The following FKBP5 variants were observed in gnomAD, a reference collection of about 807,000 sequenced individuals.
FKBP5 encodes the protein peptidyl-prolyl cis-trans isomerase FKBP5.
Under a neutral mutation model 50.5 loss-of-function variants are expected in FKBP5, and 23 were observed. That is an observed-to-expected ratio of 0.46 (90% CI 0.33 to 0.65). The LOEUF (loss-of-function observed/expected upper bound fraction) is 0.65. Among genes scored for constraint, FKBP5 ranks in the 30% least tolerant of loss-of-function variants. FKBP5 has a pLI of 0.02. For synonymous variants in FKBP5, 176 were observed against 190.6 expected (o/e 0.92, Z 0.63); for missense variants, 411 against 553.1 (o/e 0.74, Z 2.58).
At chr6:35,598,469 C>T (rs532744757) in intron 5 of FKBP5, among the ~76,000 whole-genome samples, 37 of 151,902 alleles carry the variant, frequency 2.4e-4, no homozygotes, top group Non-Finnish European at 3.8e-4. Context: ...GTGATCCACC[C>T]GCCTCAGCCT....
rs148053043 is a variant in FKBP5, at chr6:35,700,329, T to G, written c.-20+19999A>C. Among the ~76,000 whole-genome samples, 1,188 of 152,112 alleles carry G rather than the reference T, an allele frequency of 7.8e-3. 17 individuals are homozygous for G. The highest frequency in any genetic ancestry group is 0.025 in the African/African-American group (1,043 of 41,476). ...GCATGTGCCACCACACTTGGCTAAT[T>G]TTTATATGAAGCTGCCTTCTTAAGG... On this transcript the variant is annotated intron_variant, in intron 2 of 11. Transcript: ENST00000536438.
chr6:35,596,111 T>A (rs1762975444), intron 6 of FKBP5, among the ~76,000 whole-genome samples: 1 of 152,106 alleles, frequency 6.6e-6, no homozygotes, highest in Non-Finnish European at 1.5e-5. Flanking sequence ...TCCCAGCACT[T>A]TGGGAGGCTG....
intron 1 of FKBP5, among the ~76,000 whole-genome samples, chr6:35,725,410 G>C (rs1407825806): frequency 6.6e-6 from 1 of 152,182 alleles, no homozygotes; most frequent in Non-Finnish European, 1.5e-5. Flanking sequence ...GCTGGCAAGG[G>C]GAGAGGGATC....
At chr6:35,644,335 A>G (rs915828162) in intron 1 of FKBP5, among the ~76,000 whole-genome samples, 2 of 152,174 alleles carry the variant, frequency 1.3e-5, no homozygotes, top group African/African-American at 4.8e-5. Flanking sequence ...ATGCCCCCTA[A>G]ACTCATCTCC....
chr6:35,647,187 T>C (rs951069795), intron 1 of FKBP5, among the ~76,000 whole-genome samples: 1 of 152,198 alleles, frequency 6.6e-6, no homozygotes. Flanking sequence ...GATAAATTAC[T>C]GTTTTCAAGT....
intron 1 of FKBP5, among the ~76,000 whole-genome samples, chr6:35,654,473 C>T (rs1318277400): frequency 6.6e-6 from 1 of 152,190 alleles, no homozygotes; most frequent in Non-Finnish European, 1.5e-5. Flanking sequence ...TAGAAAGTGT[C>T]TGAAGTTAGT....
At chr6:35,699,876 A>G (rs186338074) in intron 2 of FKBP5, among the ~76,000 whole-genome samples, 1 of 152,140 alleles carries the variant, frequency 6.6e-6, no homozygotes, top group Admixed American at 6.5e-5. Context: ...GCGAAACCCT[A>G]TCTCTACTAA....
At chr6:35,588,426 T>C (rs1762682564) in intron 7 of FKBP5, among the ~76,000 whole-genome samples, 1 of 152,194 alleles carries the variant, frequency 6.6e-6, no homozygotes, top group African/African-American at 2.4e-5. Flanking sequence ...AACCTAGTTA[T>C]GGTTCAATTC....
At chr6:35,652,863 C>T (rs955070819) in intron 1 of FKBP5, among the ~76,000 whole-genome samples, 4 of 152,258 alleles carry the variant, frequency 2.6e-5, no homozygotes, top group African/African-American at 7.2e-5. Flanking sequence ...TGGGGCATCA[C>T]GGATCCTACC....
rs114973566 is a variant in FKBP5, at chr6:35,591,689, G to A, written c.666-469C>T. 7.3e-3 allele frequency among the ~76,000 whole-genome samples: 1,111 copies of A among 152,266 alleles called. 11 individuals are homozygous for A. Among genetic ancestry groups the A allele is most frequent in the African/African-American group, 0.023 (958 of 41,538 alleles). ...TTTAATAAGCTTTTAACTTTAAAGT[G>A]CTGTCACTTCTAGTAGTACCACTTC... is the stretch of plus-strand genomic sequence containing the variant. On this transcript the variant is annotated intron_variant, in intron 6 of 10. Coordinates refer to ENST00000357266, the MANE Select transcript of FKBP5 (RefSeq NM_004117.4).
In FKBP5 at chr6:35,598,501, G is replaced by A. The variant is rs906129272; in HGVS notation, c.509-1097C>T. 3.3e-5 allele frequency among the ~76,000 whole-genome samples: 5 copies of A among 152,106 alleles called. No individual in the cohort carries two copies. In the South Asian group the frequency reaches 1.0e-3, roughly 32 times the overall value. ...GCCTCCCAAAGCGCTGGGATTACAG[G>A]TATGCGCCACCAGGTCTGGCCTAGA... is the stretch of plus-strand genomic sequence containing the variant. On this transcript the variant is annotated intron_variant, in intron 5 of 10. Transcript: ENST00000357266.
rs139897622 is a variant in FKBP5, at chr6:35,655,706, C to T, written c.-19-12863G>A. 6.6e-5 allele frequency among the ~76,000 whole-genome samples: 10 copies of T among 152,252 alleles called. No individual in the cohort carries two copies. The East Asian group carries it at 1.9e-3, about 29-fold the overall frequency. ...ACCATAAAGAATCAGTGCTGAAATA[C>T]CATTACAAGCTAAGTATATTCCTTC... On this transcript the variant is annotated intron_variant, in intron 1 of 10. Coordinates refer to ENST00000357266, the MANE Select transcript of FKBP5 (RefSeq NM_004117.4).
intron 7 of FKBP5, 28 bp from the exon 8 acceptor site, chr6:35,587,145 G>A (rs1256653908): frequency 1.9e-6 from 3 of 1,599,992 alleles, no homozygotes; most frequent in Non-Finnish European, 2.6e-6. Context: ...ACAATGGTTA[G>A]ATGAACAGAG....
chr6:35,576,394 G>A lies in FKBP5; in HGVS notation c.1267-452C>T, dbSNP rs544457297. 4.1e-4 allele frequency among the ~76,000 whole-genome samples: 63 copies of A among 152,252 alleles called. 1 individual carries two copies. The Middle Eastern group carries it at 0.01, about 25-fold the overall frequency. On this transcript the variant is annotated intron_variant, in intron 10 of 10. Transcript: ENST00000357266. The stretch of plus-strand genomic sequence containing the variant: ...ATTTTTCAAAAATGACAAAAGGGCT[G>A]GGCATGGTGGCTCATGTCTATAATC...
upstream of FKBP5, among the ~76,000 whole-genome samples, chr6:35,689,601 G>C (rs1407138950): frequency 1.3e-5 from 2 of 152,132 alleles, no homozygotes; most frequent in African/African-American, 2.4e-5. Context: ...CCAGCACTTT[G>C]GAAGGCCGAG....
chr6:35,642,024 A>AAATAG (rs1764507563), intron 2 of FKBP5, among the ~76,000 whole-genome samples: 1 of 151,666 alleles, frequency 6.6e-6, no homozygotes, highest in Non-Finnish European at 1.5e-5. Context: ...AAATAAAATA[A>AAATAG]AATAAAATAA....
rs992152021 is a variant in FKBP5, at chr6:35,711,652, G to A, written c.-20+8676C>T. 4.6e-5 allele frequency among the ~76,000 whole-genome samples: 7 copies of A among 151,904 alleles called. No homozygotes were observed. The South Asian group carries it at 8.3e-4, about 18-fold the overall frequency. On this transcript the variant is annotated intron_variant, in intron 2 of 11. Transcript: ENST00000536438. ...GAGAGGAGAGGAGAGGAGAGGAAAG[G>A]AAAGAAAGAAAAGAAAAAGAAACAG...
At chr6:35,615,055 C>T (rs550660602) in intron 5 of FKBP5, among the ~76,000 whole-genome samples, 36 of 151,646 alleles carry the variant, frequency 2.4e-4, no homozygotes, top group Non-Finnish European at 4.4e-4. Context: ...ACCTGGGAGG[C>T]GGAAGTTGCA....
At chr6:35,604,382 A>G (rs1014318570) in intron 5 of FKBP5, among the ~76,000 whole-genome samples, 1 of 152,230 alleles carries the variant, frequency 6.6e-6, no homozygotes, top group Admixed American at 6.5e-5. Context: ...GAAAGAAATT[A>G]TATAAATCCA....
Sources: allele counts gnomAD v4.1 joint callset (sites outside exome capture counted in the v4.1 genomes callset), GRCh38; gene constraint gnomAD v4.1.1; transcripts MANE v1.5; gene names NCBI Gene and HGNC (gene_info 2026-07-23, HGNC 2026-07-21).